Variants in PCLO observed in about 807,000 individuals in gnomAD.
PCLO encodes the protein protein piccolo.
A neutral mutation model predicts 427.5 loss-of-function variants in PCLO; 82 were observed. That is an observed-to-expected ratio of 0.19 (90% CI 0.16 to 0.23). The LOEUF is 0.23. Among genes scored for constraint, PCLO ranks in the 10% least tolerant of loss-of-function variants. PCLO has a pLI of 1.00. For missense variants in PCLO, 6,239 were observed against 6,115.9 expected (o/e 1.02, Z -0.67); for synonymous variants, 2,357 against 2,155.4 (o/e 1.09, Z -2.59).
chr7:83,156,354 G>A lies in PCLO; in HGVS notation c.287C>T (p.Ser96Leu). ...ELDSSHPPKQ[S>L]GRPPDPGRPA... is the part of the protein sequence containing the mutation. ...ACGCCCAGGGTCCGGGGGTCTTCCT[G>A]ATTGCTTTGGAGGATGACTACTATC... Residue 96 changes from serine to leucine, a missense_variant, in exon 2 of 25, where the codon TCA (serine) becomes TTA (leucine). Physicochemically the swap from Ser to Leu is moderately radical, Grantham distance 145 (BLOSUM62 -2). Around this residue, in one of 5 missense-constraint regions of PCLO, gnomAD observed 4,677 missense variants for 4,468.4 expected, o/e 1.05. Coordinates refer to ENST00000333891, the MANE Select transcript of PCLO (RefSeq NM_033026.6). 1 of 1,609,202 alleles carries A rather than the reference G, an allele frequency of 6.2e-7. No individual in the cohort carries two copies. Among genetic ancestry groups the A allele is most frequent in the Non-Finnish European group, 8.5e-7 (1 of 1,177,960 alleles).
chr7:83,003,335 G>T (rs911820095), intron 3 of PCLO, among the ~76,000 whole-genome samples: 4 of 151,254 alleles, frequency 2.6e-5, no homozygotes, highest in Non-Finnish European at 4.4e-5. Flanking sequence ...AATATTCCCT[G>T]TGTTTATAGT....
At chr7:82,798,825 G>A (rs1791282180) in intron 22 of PCLO, among the ~76,000 whole-genome samples, 1 of 152,054 alleles carries the variant, frequency 6.6e-6, no homozygotes, top group African/African-American at 2.4e-5. Flanking sequence ...TACCAAAAGG[G>A]CACTTGACTA....
In PCLO at chr7:82,757,264, A is replaced by T. The variant is rs146199514; in HGVS notation, c.*1311T>A. Reference sequence around the variant, plus strand: ...CTTCCTTAATTAATAATGCTGATAGAGAAGAGGGTGCTTCATTTTAAGACT... The same window carrying T: ...CTTCCTTAATTAATAATGCTGATAGTGAAGAGGGTGCTTCATTTTAAGACT... On this transcript the variant is annotated 3_prime_UTR_variant, in exon 25 of 25. Coordinates refer to ENST00000333891, the MANE Select transcript of PCLO (RefSeq NM_033026.6). 1 of 152,130 alleles carries T rather than the reference A, an allele frequency of 6.6e-6. No individual in the cohort carries two copies. The highest frequency in any genetic ancestry group is 2.4e-5 in the African/African-American group (1 of 41,534). The allele number at this position is 152,130 out of a possible 1,614,324, so 9.4% of individuals were successfully genotyped here.
intron 14 of PCLO, among the ~76,000 whole-genome samples, chr7:82,840,112 A>G (rs959592375): frequency 6.6e-6 from 1 of 152,122 alleles, no homozygotes; most frequent in African/African-American, 2.4e-5. Flanking sequence ...AAATAGTAGG[A>G]AAGAGAAAGA....
At chr7:83,044,105 G>C (rs1789044258) in intron 3 of PCLO, among the ~76,000 whole-genome samples, 1 of 150,750 alleles carries the variant, frequency 6.6e-6, no homozygotes, top group African/African-American at 2.5e-5. Flanking sequence ...GAAAGTGAAG[G>C]AGAAGCAGGG....
At chr7:82,848,941 A>G in intron 10 of PCLO, 1 of 391,172 alleles carries the variant, frequency 2.6e-6, no homozygotes. Context: ...ATATAAAATG[A>G]GAAAATTATG....
At chr7:82,859,029 G>A (rs980009798) in intron 10 of PCLO, among the ~76,000 whole-genome samples, 1 of 152,134 alleles carries the variant, frequency 6.6e-6, no homozygotes, top group Non-Finnish European at 1.5e-5. Context: ...CTCTGAAAAG[G>A]CAGGGAAGAG....
At chr7:83,088,893 T>C (rs1291636166) in intron 3 of PCLO, among the ~76,000 whole-genome samples, 1 of 152,158 alleles carries the variant, frequency 6.6e-6, no homozygotes, top group East Asian at 1.9e-4. Context: ...AGATAATCTT[T>C]TGAAAAATCA....
intron 20 of PCLO, among the ~76,000 whole-genome samples, chr7:82,815,206 A>C (rs1791653118): frequency 1.3e-5 from 2 of 152,070 alleles, no homozygotes; most frequent in Admixed American, 1.3e-4. Context: ...CGAACAAAAC[A>C]AGAAAATAAC....
chr7:82,882,467 C>T (rs561665441), intron 9 of PCLO, among the ~76,000 whole-genome samples: 2 of 152,062 alleles, frequency 1.3e-5, no homozygotes, highest in South Asian at 4.1e-4. Context: ...TGGTCTTGTT[C>T]TTGTGTTCAC....
intron 18 of PCLO, among the ~76,000 whole-genome samples, chr7:82,825,619 T>C (rs1033618291): frequency 6.7e-6 from 1 of 148,246 alleles, no homozygotes; most frequent in Non-Finnish European, 1.5e-5. Flanking sequence ...TATGTGTGTA[T>C]ATATATTATA....
intron 10 of PCLO, among the ~76,000 whole-genome samples, chr7:82,849,975 T>C (rs920061495): frequency 2.6e-5 from 4 of 151,472 alleles, no homozygotes; most frequent in African/African-American, 9.7e-5. Flanking sequence ...CTTAAATTCC[T>C]TGAAAGTACC....
At chr7:83,124,751 G>C (rs374731370) in intron 3 of PCLO, among the ~76,000 whole-genome samples, 2 of 151,844 alleles carry the variant, frequency 1.3e-5, no homozygotes, top group East Asian at 1.9e-4. Context: ...CGCTTTCCAC[G>C]GTCTCCCCCT....
intron 20 of PCLO, chr7:82,820,944 T>C (rs1166426336): frequency 8.1e-7 from 1 of 1,229,208 alleles, no homozygotes; most frequent in African/African-American, 1.6e-5. Flanking sequence ...ACGGGACTGA[T>C]CTTGGGACTT....
intron 9 of PCLO, among the ~76,000 whole-genome samples, chr7:82,894,709 T>C (rs2116145191): frequency 6.6e-6 from 1 of 152,158 alleles, no homozygotes; most frequent in South Asian, 2.1e-4. Context: ...CCCAGCTAAG[T>C]TGTCATGATA....
chr7:82,957,911 T>C (rs10260627), intron 4 of PCLO, among the ~76,000 whole-genome samples: 11,270 of 152,288 alleles, frequency 0.074, 1,419 homozygotes, highest in African/African-American at 0.26. Context: ...TGGGCTATGA[T>C]GATGCCATGA....
rs887435061 is a variant in PCLO at position 83,061,987 on chromosome 7, T to A, written c.3300+72263A>T. Among the ~76,000 whole-genome samples the A allele has an allele frequency of 2.6e-5, 4 of 152,186 alleles. 1 individual carries two copies. Among genetic ancestry groups the A allele is most frequent in the East Asian group, 1.9e-4 (1 of 5,188 alleles). ...CAAAGAAAAGGAAGAAGAAGTCCCA[T>A]TGCCTTATTCAGGTTATCAGAATGT... On this transcript the variant is annotated intron_variant, in intron 3 of 24. Coordinates refer to ENST00000333891, the MANE Select transcript of PCLO (RefSeq NM_033026.6).
intron 3 of PCLO, among the ~76,000 whole-genome samples, chr7:83,025,843 C>A (rs1447844997): frequency 3.3e-5 from 5 of 152,138 alleles, no homozygotes; most frequent in African/African-American, 1.2e-4. Flanking sequence ...AATTTCATAT[C>A]CAGCCAAACT....
intron 3 of PCLO, among the ~76,000 whole-genome samples, chr7:83,033,896 C>T (rs1423013057): frequency 1.3e-5 from 2 of 152,124 alleles, no homozygotes; most frequent in African/African-American, 4.8e-5. Flanking sequence ...TTCCTTCTCC[C>T]TTTATTTGAA....
Sources: gnomAD v4.1 joint callset for allele counts (sites outside exome capture counted in the v4.1 genomes callset) on GRCh38, gnomAD v4.1.1 for gene constraint, gnomAD v4.1.1 regional missense constraint, MANE v1.5 for transcripts, NCBI Gene and HGNC (gene_info 2026-07-23, HGNC 2026-07-21) for gene names.